Variants in DSCC1 observed in about 807,000 individuals in gnomAD.
DSCC1 encodes sister chromatid cohesion protein DCC1.
A neutral mutation model predicts 48.2 loss-of-function variants in DSCC1; 32 were observed. The ratio of observed to expected loss-of-function variants is 0.66; its 90% CI spans 0.50 to 0.89. DSCC1 has a LOEUF of 0.89. DSCC1 is among the 40% of genes least tolerant of loss of function. The probability of loss-of-function intolerance (pLI) is 0.00; values close to 1 mark genes in which losing one functional copy is unlikely to be tolerated. For synonymous variants in DSCC1, 150 were observed against 171.5 expected (o/e 0.87, Z 0.98); for missense variants, 421 against 471.7 (o/e 0.89, Z 1.00).
Position 119,843,719 on chromosome 8 carries a change from A to G in DSCC1, c.606T>C (p.Tyr202=), listed in dbSNP as rs2131300413. The change falls in exon 5 of 9, where the codon TAT becomes TAC. Residue 202 remains tyrosine, a synonymous_variant. Transcript: ENST00000313655. ...GGYWRILEFD[Y]EMKLLNHVTQ... is the part of the protein sequence containing the mutation. ...TTACATGATTCAGAAGTTTCATCTC[A>G]TAATCAAATTCAAGAATCCTCCAAT... is the stretch of plus-strand genomic sequence containing the variant. 1.9e-6 allele frequency: 3 copies of G among 1,610,952 alleles called. No individual in the cohort carries two copies. Among genetic ancestry groups the G allele is most frequent in the Non-Finnish European group, 2.5e-6 (3 of 1,179,226 alleles).
At chr8:119,851,909 C>T (rs1414638225) in intron 2 of DSCC1, among the ~76,000 whole-genome samples, 3 of 152,106 alleles carry the variant, frequency 2.0e-5, no homozygotes, top group South Asian at 4.1e-4. Flanking sequence ...TATGCCCTCA[C>T]AAAAACACCT....
At chr8:119,846,906 G>A in intron 4 of DSCC1, 84 bp downstream of exon 4, 6 of 1,212,356 alleles carry the variant, frequency 4.9e-6, no homozygotes, top group South Asian at 1.2e-5. Context: ...TAAACTATAC[G>A]CAGTAGGGTG....
chr8:119,850,644 A>G (rs1248102148), intron 2 of DSCC1, 128 bp from the exon 3 acceptor site: 4 of 792,884 alleles, frequency 5.0e-6, no homozygotes, highest in Non-Finnish European at 7.3e-6. Flanking sequence ...GCTTTGTATC[A>G]GGAAGGTATT....
At chr8:119,844,653 A>T (rs1035794567) in intron 4 of DSCC1, among the ~76,000 whole-genome samples, 1 of 150,532 alleles carries the variant, frequency 6.6e-6, no homozygotes, top group Non-Finnish European at 1.5e-5. Context: ...TGCTCAAATG[A>T]TCCTCCTGCC....
intron 3 of DSCC1, among the ~76,000 whole-genome samples, chr8:119,849,993 T>C (rs1462057368): frequency 6.6e-6 from 1 of 152,174 alleles, no homozygotes; most frequent in African/African-American, 2.4e-5. Flanking sequence ...CAAGAGCATC[T>C]AGTCATAATT....
At position 119,842,567 on chromosome 8, in the gene DSCC1, G is replaced by A. The variant is rs572763031; in HGVS notation, c.769+209C>T. On this transcript the variant is annotated intron_variant, in intron 6 of 8. Transcript: ENST00000313655. ...CCAGCTAATTTTTGGATTTTTTTTT[G>A]TGGAGACAGCATTTTATCATGTTGC... Among the ~76,000 whole-genome samples, 429 of 151,306 alleles carry A rather than the reference G, an allele frequency of 2.8e-3. 4 individuals carry two copies. Among genetic ancestry groups the A allele is most frequent in the African/African-American group, 9.5e-3 (390 of 41,218 alleles).
At chr8:119,844,300 G>A (rs1445795063) in intron 4 of DSCC1, among the ~76,000 whole-genome samples, 11 of 152,008 alleles carry the variant, frequency 7.2e-5, no homozygotes, top group African/African-American at 2.2e-4. Flanking sequence ...TTAGCTGGGC[G>A]TGGTGGTGCA....
At chr8:119,841,738 T>G (rs1269880847) in intron 7 of DSCC1, 56 bp downstream of exon 7, 6 of 1,579,762 alleles carry the variant, frequency 3.8e-6, no homozygotes, top group Non-Finnish European at 5.2e-6. Flanking sequence ...TCAAGTATCA[T>G]TCACCTAGTA....
At chr8:119,848,903 G>A (rs1328210247) in intron 3 of DSCC1, among the ~76,000 whole-genome samples, 1 of 151,696 alleles carries the variant, frequency 6.6e-6, no homozygotes, top group Non-Finnish European at 1.5e-5. Context: ...TAGCCTGGCC[G>A]GCCGGGCGCG....
rs4871657 is a variant in DSCC1 at position 119,841,007 on chromosome 8, T to A, written c.924+787A>T. ...TTTATTTATTATTATTATTATTATTTTTGAGACAGAGTCTTGCTCTGTCGC... is the reference window on the plus strand; with the variant it reads ...TTTATTTATTATTATTATTATTATTATTGAGACAGAGTCTTGCTCTGTCGC... On this transcript the variant is annotated intron_variant, in intron 7 of 8. Transcript: ENST00000313655. 5.6e-3 allele frequency among the ~76,000 whole-genome samples: 842 copies of A among 150,934 alleles called. 32 individuals are homozygous for A. In the East Asian group the frequency reaches 0.11, roughly 20 times the overall value.
intron 8 of DSCC1, among the ~76,000 whole-genome samples, chr8:119,835,443 G>T (rs892709157): frequency 1.3e-5 from 2 of 151,910 alleles, no homozygotes; most frequent in Non-Finnish European, 1.5e-5. Flanking sequence ...GGAGGCAGAG[G>T]TTGCAGTGAG....
chr8:119,853,781 G>A (rs889132337), intron 1 of DSCC1, among the ~76,000 whole-genome samples: 9 of 152,214 alleles, frequency 5.9e-5, no homozygotes, highest in African/African-American at 2.2e-4. Flanking sequence ...AATCAAAGGA[G>A]CACATCCTGG....
Position 119,855,625 on chromosome 8 carries a change from C to T in DSCC1, c.171G>A (p.Glu57=), listed in dbSNP as rs1173167632. 1 of 1,545,356 alleles carries T rather than the reference C, an allele frequency of 6.5e-7. No individual in the cohort carries two copies. Residue 57 remains glutamate, a synonymous_variant, in exon 1 of 9, where the codon GAG becomes GAA. Coordinates refer to ENST00000313655, the MANE Select transcript of DSCC1 (RefSeq NM_024094.3). The part of the protein sequence containing the change: ...ELEPTLCQQL[E]DGHSLVIRGD... ...TGACCAGGGCTCACCTGTGTCCATC[C>T]TCCAGCTGCTGGCACAGCGTGGGCT...
chr8:119,850,583 A>T (rs1826930010), intron 2 of DSCC1, 67 bp from the exon 3 acceptor site: 4 of 1,387,526 alleles, frequency 2.9e-6, no homozygotes, highest in Non-Finnish European at 3.8e-6. Flanking sequence ...CAAAATTACA[A>T]CTAATCAATC....
chr8:119,846,994 A>C lies in DSCC1; in HGVS notation c.573T>G (p.Ile191Met). The C allele has an allele frequency of 6.2e-7, 1 of 1,613,626 alleles. No homozygotes were observed. The highest frequency in any genetic ancestry group is 8.5e-7 in the Non-Finnish European group (1 of 1,179,858). The change falls in exon 4 of 9, where the codon ATT becomes ATG. Residue 191 changes from isoleucine to methionine, a missense_variant. Transcript: ENST00000313655. ...AATAGTAGTAAGTAACGCTACCTCC[A>C]ATCTTACAGGCATTTAGAACTTGTA... ...TQLQVLNACK[I>M]GGYWRILEFD...
rs149099664 is a variant in DSCC1, at chr8:119,844,016, G to A, written c.578-269C>T. ...GGTCCTGACCTTCTGACCTCACATC[G>A]TCAGCCCGCCTCAGCCTCCCAAAGT... On this transcript the variant is annotated intron_variant, in intron 4 of 8. Coordinates refer to ENST00000313655, the MANE Select transcript of DSCC1 (RefSeq NM_024094.3). Among the ~76,000 whole-genome samples, 259 of 151,860 alleles carry A rather than the reference G, an allele frequency of 1.7e-3. 1 individual carries two copies. Among genetic ancestry groups the A allele is most frequent in the African/African-American group, 6.0e-3 (249 of 41,422 alleles).
At position 119,834,553 on chromosome 8, in the gene DSCC1, C is replaced by G. The variant is rs1339532965; in HGVS notation, c.*340G>C. Reference sequence around the variant, plus strand: ...TATTACTATTTAGTTCTCTGGAAAACTTAAGTGTATTAATGATTAGAACAT... The same window carrying G: ...TATTACTATTTAGTTCTCTGGAAAAGTTAAGTGTATTAATGATTAGAACAT... On this transcript the variant is annotated 3_prime_UTR_variant, in exon 9 of 9. Transcript: ENST00000313655. 1 of 205,626 alleles carries G rather than the reference C, an allele frequency of 4.9e-6. No homozygotes were observed. The highest frequency in any genetic ancestry group is 2.4e-5 in the African/African-American group (1 of 41,886). The allele number at this position is 205,626 out of a possible 1,614,324, so 12.7% of individuals were successfully genotyped here.
Position 119,841,906 on chromosome 8 carries a change from G to A in DSCC1, c.812C>T (p.Ala271Val), listed in dbSNP as rs767742077. The A allele has an allele frequency of 2.5e-6, 4 of 1,614,076 alleles. No individual in the cohort carries two copies. The Admixed American group carries it at 5.0e-5, about 20-fold the overall frequency. ...FELDADKICR[A>V]AARMLLQNAV... ...ATTCTGAAGTAGCATTCGTGCTGCT[G>A]CTCTACATATTTTATCAGCATCCAA... Residue 271 changes from alanine to valine, a missense_variant, in exon 7 of 9, where the codon GCA becomes GTA. Ala to Val is a moderately conservative substitution (Grantham distance 64). Around this residue, in one of 3 missense-constraint regions of DSCC1, gnomAD observed 238 missense variants for 259.0 expected, o/e 0.92. Coordinates refer to ENST00000313655, the MANE Select transcript of DSCC1 (RefSeq NM_024094.3).
chr8:119,843,246 G>A (rs960265877), intron 5 of DSCC1, among the ~76,000 whole-genome samples: 25 of 151,412 alleles, frequency 1.7e-4, no homozygotes, highest in Admixed American at 2.6e-4. Context: ...ACGGCACCAC[G>A]CCCAGCTAAT....
Sources: allele counts gnomAD v4.1 joint callset (sites outside exome capture counted in the v4.1 genomes callset), GRCh38; gene constraint gnomAD v4.1.1; regional missense constraint gnomAD v4.1.1; transcripts MANE v1.5; gene names NCBI Gene and HGNC (gene_info 2026-07-23, HGNC 2026-07-21).